The following SCUBE1 variants were observed in gnomAD, a reference collection of about 807,000 sequenced individuals.
SCUBE1 encodes the protein signal peptide, CUB and EGF-like domain-containing protein 1.
SCUBE1 carries 59 observed loss-of-function variants against 124.4 expected under a neutral mutation model. The observed-to-expected ratio is 0.47, with a 90% CI of 0.38 to 0.59. The LOEUF (loss-of-function observed/expected upper bound fraction) is 0.59. Among genes scored for constraint, SCUBE1 ranks in the 20% least tolerant of loss-of-function variants. The pLI is 0.00. For synonymous variants in SCUBE1, 545 were observed against 550.9 expected (o/e 0.99, Z 0.15); for missense variants, 1,150 against 1,371.2 (o/e 0.84, Z 2.55).
chr22:43,320,198 G>C (rs1001232142), intron 2 of SCUBE1, 133 bp from the exon 3 acceptor site: 10 of 1,076,406 alleles, frequency 9.3e-6, no homozygotes, highest in Non-Finnish European at 1.2e-5. Flanking sequence ...CTCCCTGGGA[G>C]CTGAGGACTC....
At chr22:43,229,501 A>G (rs1024430374) in intron 8 of SCUBE1, among the ~76,000 whole-genome samples, 6 of 152,196 alleles carry the variant, frequency 3.9e-5, no homozygotes, top group South Asian at 2.1e-4. Flanking sequence ...GTCAGCTCCA[A>G]TTAGGAGTGG....
intron 3 of SCUBE1, among the ~76,000 whole-genome samples, chr22:43,292,527 T>C (rs915551542): frequency 1.3e-5 from 2 of 149,780 alleles, no homozygotes; most frequent in Non-Finnish European, 2.9e-5. Flanking sequence ...CGTGAGCTAC[T>C]GGCTGCTTCT....
intron 3 of SCUBE1, among the ~76,000 whole-genome samples, chr22:43,304,216 G>A (rs1169492915): frequency 2.0e-5 from 3 of 152,192 alleles, no homozygotes; most frequent in South Asian, 2.1e-4. Flanking sequence ...CTGCACTTGC[G>A]GTGGCCTCAT....
chr22:43,325,060 G>A (rs1393622378), intron 2 of SCUBE1, among the ~76,000 whole-genome samples: 3 of 151,340 alleles, frequency 2.0e-5, no homozygotes, highest in Non-Finnish European at 4.4e-5. Context: ...CAGACACGCG[G>A]AGAGAAGGCA....
At chr22:43,311,084 A>G (rs1031206989) in intron 3 of SCUBE1, among the ~76,000 whole-genome samples, 1 of 152,182 alleles carries the variant, frequency 6.6e-6, no homozygotes, top group African/African-American at 2.4e-5. Flanking sequence ...TGGCCTTGAT[A>G]CATATTGAGG....
intron 4 of SCUBE1, among the ~76,000 whole-genome samples, chr22:43,277,130 CG>C (rs11302967): frequency 0.039 from 5,919 of 151,588 alleles, 233 homozygotes; most frequent in African/African-American, 0.1. Flanking sequence ...AGGAGGTGTG[CG>C]GGGAAAAGGT....
chr22:43,281,864 C>G (rs1924927199), intron 4 of SCUBE1: 1 of 152,772 alleles, frequency 6.5e-6, no homozygotes, highest in African/African-American at 2.4e-5. Flanking sequence ...TCCTGCTAGA[C>G]AGGGTCCTGT....
intron 20 of SCUBE1, 128 bp downstream of exon 20, chr22:43,207,944 C>T (rs1015701524): frequency 1.1e-5 from 12 of 1,080,016 alleles, no homozygotes; most frequent in Non-Finnish European, 1.5e-5. Flanking sequence ...TGACAGTGTT[C>T]GTTCTGCTTC....
chr22:43,256,067 G>A (rs1427063455), intron 6 of SCUBE1, among the ~76,000 whole-genome samples: 1 of 152,164 alleles, frequency 6.6e-6, no homozygotes, highest in Non-Finnish European at 1.5e-5. Flanking sequence ...GACAGCAGAG[G>A]CTCCGTCACA....
intron 2 of SCUBE1, among the ~76,000 whole-genome samples, chr22:43,323,502 A>T (rs1032068708): frequency 1.3e-5 from 2 of 152,128 alleles, no homozygotes; most frequent in African/African-American, 2.4e-5. Context: ...TCACCCATAC[A>T]TCCAGACACG....
rs1237012424 is a variant in SCUBE1, at chr22:43,218,533, C to T, written c.1688-75G>A. 4.0e-6 allele frequency: 6 copies of T among 1,515,324 alleles called. No individual in the cohort carries two copies. In the African/African-American group the frequency reaches 5.5e-5, roughly 14 times the overall value. The allele number at this position is 1,515,324 out of a possible 1,614,324, so 93.9% of individuals were successfully genotyped here. ...CGCTGCCTTCTTAGCTGAGGGCTCC[C>T]CCGTGCCAGGCCCTGCACTGGGCTC... is the stretch of plus-strand genomic sequence containing the variant. On this transcript the variant is annotated intron_variant, in intron 14 of 21. Transcript: ENST00000360835.
chr22:43,219,295 G>T (rs573300707), intron 14 of SCUBE1, among the ~76,000 whole-genome samples: 4 of 152,136 alleles, frequency 2.6e-5, no homozygotes, highest in East Asian at 1.9e-4. Context: ...CCTTACTCTT[G>T]CTATGTGATG....
chr22:43,198,630 G>C lies in SCUBE1; in HGVS notation c.*5367C>G, dbSNP rs139362457. On this transcript the variant is annotated 3_prime_UTR_variant, in exon 22 of 22. Transcript: ENST00000360835. ...TGTCGGCTCGGCATGGACACCTTGT[G>C]CATCTTTGGTGAAAAGGGACCTCAA... is the stretch of plus-strand genomic sequence containing the variant. 640 of 456,748 alleles carry C rather than the reference G, an allele frequency of 1.4e-3. 12 individuals are homozygous for C. The East Asian group carries it at 0.033, about 23-fold the overall frequency. The allele number at this position is 456,748 out of a possible 1,614,324, so 28.3% of individuals were successfully genotyped here.
intron 5 of SCUBE1, among the ~76,000 whole-genome samples, chr22:43,259,762 C>G (rs1456180732): frequency 2.0e-5 from 3 of 152,198 alleles, no homozygotes; most frequent in Non-Finnish European, 4.4e-5. Flanking sequence ...AGGCTGCTCC[C>G]TCTTCCACAG....
rs761516216 is a variant in SCUBE1, at chr22:43,262,719, C to T, written c.610+1G>A. ...TGACCCATTTGTCTCCCTCTACCTA[C>T]GTGTGCAGTCCTTCTGGTTTTGGGC... On this transcript the variant is annotated splice_donor_variant, in intron 5 of 21. Coordinates refer to ENST00000360835, the MANE Select transcript of SCUBE1 (RefSeq NM_173050.5). LOFTEE classifies it high-confidence loss of function. 5.0e-6 allele frequency: 8 copies of T among 1,614,052 alleles called. No homozygotes were observed. Among genetic ancestry groups the T allele is most frequent in the East Asian group, 2.2e-5 (1 of 44,868 alleles).
In SCUBE1 at chr22:43,258,195, T is replaced by C. The variant is rs1370231706; in HGVS notation, c.727+24A>G. The C allele has an allele frequency of 2.0e-6, 3 of 1,507,940 alleles. No homozygotes were observed. The highest frequency in any genetic ancestry group is 9.2e-7 in the Non-Finnish European group (1 of 1,085,242). 93.4% of individuals were successfully genotyped at this position (1,507,940 alleles called of 1,614,324 possible). A position where few individuals can be genotyped will look rare whatever the true frequency, so the allele number is the denominator to read the frequency against. ...TCGGGGGCGGGGGGCGCAAGGGTGG[T>C]GTGTGGCAGAGGTGCCTACTTACCG... On this transcript the variant is annotated intron_variant, in intron 6 of 21. Coordinates refer to ENST00000360835, the MANE Select transcript of SCUBE1 (RefSeq NM_173050.5). The surrounding 1 kb of genome is among the most constrained non-coding windows in gnomAD (Gnocchi z 5.0).
chr22:43,221,791 C>T (rs779022614), intron 12 of SCUBE1, among the ~76,000 whole-genome samples: 13 of 152,108 alleles, frequency 8.5e-5, no homozygotes, highest in Non-Finnish European at 1.8e-4. Context: ...GGGCAGGGTG[C>T]GGTGGCTCAC....
intron 4 of SCUBE1, chr22:43,270,525 G>T (rs1924253533): frequency 6.6e-6 from 1 of 152,274 alleles, no homozygotes; most frequent in Non-Finnish European, 1.5e-5. Context: ...ATCCTGCCCT[G>T]CCAGTCTCCT....
intron 10 of SCUBE1, among the ~76,000 whole-genome samples, chr22:43,226,100 CTCTGTG>C (rs1443090974): frequency 2.0e-5 from 3 of 152,272 alleles, no homozygotes; most frequent in African/African-American, 7.2e-5. Context: ...CAAATATTTA[CTCTGTG>C]TCTGTGATTG....
Sources: allele counts gnomAD v4.1 joint callset (sites outside exome capture counted in the v4.1 genomes callset), GRCh38; gene constraint gnomAD v4.1.1; non-coding constraint Gnocchi (gnomAD v3.1); transcripts MANE v1.5; gene names NCBI Gene and HGNC (gene_info 2026-07-23, HGNC 2026-07-21).